TRIO: variants seen among roughly 807,000 people sequenced by gnomAD.
The protein encoded by TRIO is trio Rho guanine nucleotide exchange factor.
In TRIO, 58 loss-of-function variants were observed where a neutral mutation model predicts 351.9. That is an observed-to-expected ratio of 0.16 (90% CI 0.13 to 0.21). The LOEUF is 0.21. Ranked by LOEUF, TRIO falls within the 10% of genes least tolerant of loss-of-function variation. The pLI is 1.00. For synonymous variants in TRIO, 1,758 were observed against 1,595.7 expected, an observed-to-expected ratio of 1.10 and a Z score of -2.42; for missense variants, 3,201 against 4,027.8, an observed-to-expected ratio of 0.79 and a Z score of 5.56.
chr5:14,447,842 T>C (rs1227529048), intron 34 of TRIO, among the ~76,000 whole-genome samples: 1 of 152,240 alleles, frequency 6.6e-6, no homozygotes, highest in African/African-American at 2.4e-5. Flanking sequence ...AACATTCATG[T>C]TTCTTAACTG....
At chr5:14,170,097 A>C (rs1471444822) in intron 1 of TRIO, among the ~76,000 whole-genome samples, 1 of 152,222 alleles carries the variant, frequency 6.6e-6, no homozygotes, top group Non-Finnish European at 1.5e-5. Flanking sequence ...GATGGAGCTC[A>C]TCTGTAATCC....
At chr5:14,503,734 C>T (rs1757455195) in intron 54 of TRIO, among the ~76,000 whole-genome samples, 1 of 152,234 alleles carries the variant, frequency 6.6e-6, no homozygotes, top group South Asian at 2.1e-4. Flanking sequence ...CTCCGAGTGA[C>T]AGAAGTAGCA....
At chr5:14,492,081 A>G (rs910180453) in intron 48 of TRIO, among the ~76,000 whole-genome samples, 1 of 152,262 alleles carries the variant, frequency 6.6e-6, no homozygotes, top group South Asian at 2.1e-4. Context: ...TGCATTCCCA[A>G]TGAACATTCT....
intron 47 of TRIO, 67 bp downstream of exon 47, chr5:14,485,313 C>G: frequency 6.9e-7 from 1 of 1,453,220 alleles, no homozygotes; most frequent in Non-Finnish European, 9.2e-7. Context: ...TTTATCTTCC[C>G]TCTCCCATTC....
chr5:14,397,168 C>A lies in TRIO; in HGVS notation c.4423+14C>A. On this transcript the variant is annotated intron_variant, in intron 29 of 56. Transcript: ENST00000344204. ...GCATGCTGGAAGGTAAAGGACCCTCCATACCCCAGTGTGCATCTATGCAGT... is the reference window on the plus strand; with the variant it reads ...GCATGCTGGAAGGTAAAGGACCCTCAATACCCCAGTGTGCATCTATGCAGT... 1 of 1,587,248 alleles carries A rather than the reference C, an allele frequency of 6.3e-7. No individual in the cohort carries two copies. Among genetic ancestry groups the A allele is most frequent in the Non-Finnish European group, 8.6e-7 (1 of 1,165,450 alleles).
At chr5:14,145,646 C>T (rs1489471651) in intron 1 of TRIO, among the ~76,000 whole-genome samples, 1 of 152,148 alleles carries the variant, frequency 6.6e-6, no homozygotes, top group Admixed American at 6.5e-5. Flanking sequence ...AGATTCTGTG[C>T]AGAATTCAGC....
At chr5:14,371,461 T>A (rs1745097966) in intron 18 of TRIO, among the ~76,000 whole-genome samples, 1 of 152,236 alleles carries the variant, frequency 6.6e-6, no homozygotes, top group Admixed American at 6.5e-5. Flanking sequence ...TGGGCATATA[T>A]CTACCTTCAG....
chr5:14,424,165 G>A (rs976498208), intron 34 of TRIO, among the ~76,000 whole-genome samples: 2 of 152,074 alleles, frequency 1.3e-5, no homozygotes, highest in African/African-American at 2.4e-5. Flanking sequence ...GAGATGGGGC[G>A]GGCGCAGGAG....
At chr5:14,238,206 T>G (rs747365435) in intron 1 of TRIO, among the ~76,000 whole-genome samples, 17 of 152,214 alleles carry the variant, frequency 1.1e-4, no homozygotes, top group Non-Finnish European at 2.5e-4. Context: ...GATTTTGTTC[T>G]TGGAGGGATA....
At chr5:14,463,862 G>A (rs1245216532) in intron 36 of TRIO, among the ~76,000 whole-genome samples, 2 of 152,246 alleles carry the variant, frequency 1.3e-5, no homozygotes, top group Non-Finnish European at 1.5e-5. Flanking sequence ...GCAGCTGTGA[G>A]GCCAAGTCAA....
In TRIO at chr5:14,487,568, C is replaced by G; in HGVS notation, c.6940C>G (p.Pro2314Ala). 8.9e-7 allele frequency: 1 copy of G among 1,122,684 alleles called. No individual in the cohort carries two copies. Among genetic ancestry groups the G allele is most frequent in the Middle Eastern group, 3.8e-4 (1 of 2,652 alleles). 69.5% of individuals were successfully genotyped at this position (1,122,684 alleles called of 1,614,324 possible). A position where few individuals can be genotyped will look rare whatever the true frequency, so the allele number is the denominator to read the frequency against. Residue 2314 changes from proline to alanine, a missense_variant, in exon 48 of 57, where the codon CCC becomes GCC. Coordinates refer to ENST00000344204, the MANE Select transcript of TRIO (RefSeq NM_007118.4). ...GGGGSGGGGA[P>A]SGGSGHSGGP... ...TGGGGGCAGCGGCGGCGGCGGGGCC[C>G]CCAGTGGCGGCAGCGGCCACAGTGG...
At chr5:14,334,089 T>C (rs903272422) in intron 10 of TRIO, among the ~76,000 whole-genome samples, 5 of 152,244 alleles carry the variant, frequency 3.3e-5, no homozygotes, top group Non-Finnish European at 7.3e-5. Flanking sequence ...GTGGACAAGT[T>C]ACTGCACCCC....
At chr5:14,302,744 T>G (rs995727648) in intron 7 of TRIO, among the ~76,000 whole-genome samples, 2 of 152,214 alleles carry the variant, frequency 1.3e-5, no homozygotes, top group African/African-American at 4.8e-5. Context: ...TTCTTTCTGG[T>G]CAGTTGAGTA....
chr5:14,153,067 T>G (rs1230086081), intron 1 of TRIO, among the ~76,000 whole-genome samples: 3 of 152,256 alleles, frequency 2.0e-5, no homozygotes, highest in Non-Finnish European at 4.4e-5. Context: ...TCAGCCTGTT[T>G]GTAAGACGGA....
chr5:14,184,821 A>G (rs201916346), intron 1 of TRIO, among the ~76,000 whole-genome samples: 4 of 152,140 alleles, frequency 2.6e-5, no homozygotes, highest in African/African-American at 7.2e-5. Flanking sequence ...TTGGTGCCCT[A>G]CAGCCACTGC....
At chr5:14,265,481 C>T (rs894889774) in intron 1 of TRIO, among the ~76,000 whole-genome samples, 3 of 152,062 alleles carry the variant, frequency 2.0e-5, no homozygotes, top group Admixed American at 6.6e-5. Flanking sequence ...CATCTTTCTG[C>T]CAGTTATGTA....
intron 36 of TRIO, among the ~76,000 whole-genome samples, chr5:14,464,054 G>A (rs2126514456): frequency 6.6e-6 from 1 of 152,204 alleles, no homozygotes; most frequent in Non-Finnish European, 1.5e-5. Context: ...GTGTGCATCT[G>A]AGGTTCAGGC....
chr5:14,152,364 G>T (rs902128056), intron 1 of TRIO, among the ~76,000 whole-genome samples: 8 of 151,364 alleles, frequency 5.3e-5, no homozygotes, highest in African/African-American at 1.5e-4. Context: ...CAGTTTTTTT[G>T]TTTGTTTGTT....
chr5:14,154,850 A>G (rs906142554), intron 1 of TRIO, among the ~76,000 whole-genome samples: 2 of 152,250 alleles, frequency 1.3e-5, no homozygotes. Context: ...ACTTCCTCCT[A>G]GTTTGCCCTA....
Sources: allele counts gnomAD v4.1 joint callset (sites outside exome capture counted in the v4.1 genomes callset), GRCh38; gene constraint gnomAD v4.1.1; transcripts MANE v1.5; gene names NCBI Gene and HGNC (gene_info 2026-07-23, HGNC 2026-07-21).